The following JAK2 variants were observed in gnomAD, a reference collection of about 807,000 sequenced individuals.
The protein encoded by JAK2 is Janus kinase 2, also known as tyrosine-protein kinase JAK2.
A neutral mutation model predicts 139.3 loss-of-function variants in JAK2; 86 were observed. That is an observed-to-expected ratio of 0.62 (90% confidence interval 0.52 to 0.74). The LOEUF (loss-of-function observed/expected upper bound fraction) is 0.74. JAK2 is among the 30% of genes least tolerant of loss of function. The probability of loss-of-function intolerance (pLI) is 0.00; values close to 1 mark genes in which losing one functional copy is unlikely to be tolerated. For synonymous variants in JAK2, 490 were observed against 437.7 expected, an observed-to-expected ratio of 1.12 and a Z score of -1.49; for missense variants, 1,421 against 1,360.3, an observed-to-expected ratio of 1.04 and a Z score of -0.70.
chr9:5,075,114 G>A (rs562616324), intron 14 of JAK2, among the ~76,000 whole-genome samples: 19 of 152,032 alleles, frequency 1.2e-4, no homozygotes, highest in Non-Finnish European at 2.1e-4. Flanking sequence ...AGAGAGGTGA[G>A]GAAGCTGCAG....
intron 4 of JAK2, 67 bp from the exon 5 acceptor site, chr9:5,044,336 A>G: frequency 2.2e-6 from 2 of 922,500 alleles, no homozygotes; most frequent in Admixed American, 1.8e-5. Context: ...GTAGGTGACT[A>G]TATATAGATA....
intron 2 of JAK2, among the ~76,000 whole-genome samples, chr9:4,998,445 C>CGG (rs904139158): frequency 1.2e-4 from 19 of 152,134 alleles, no homozygotes; most frequent in Admixed American, 1.1e-3. Context: ...TTAGTAGAGA[C>CGG]GGGGTTTCAC....
At position 5,084,083 on chromosome 9, in the gene JAK2, A is replaced by G. The variant is rs7873790; in HGVS notation, c.2571+2222A>G. On this transcript the variant is annotated intron_variant, in intron 19 of 24. Transcript: ENST00000381652. ...CTTTTTAACATTTTTAGTGTTTTCC[A>G]TAGTTCCGTGAGCTTAAAATTCTTT... is the stretch of plus-strand genomic sequence containing the variant. Among the ~76,000 whole-genome samples the G allele has an allele frequency of 6.6e-3, 1,003 of 152,236 alleles. 13 individuals are homozygous for G. Among genetic ancestry groups the G allele is most frequent in the African/African-American group, 0.023 (971 of 41,572 alleles).
chr9:5,050,134 A>G (rs1817310948), intron 5 of JAK2, among the ~76,000 whole-genome samples: 1 of 152,238 alleles, frequency 6.6e-6, no homozygotes, highest in Admixed American at 6.5e-5. Context: ...ATTTTTATGT[A>G]GAAGATATAA....
intron 2 of JAK2, among the ~76,000 whole-genome samples, chr9:5,013,799 G>A (rs1041389881): frequency 2.6e-5 from 4 of 152,042 alleles, no homozygotes; most frequent in African/African-American, 9.7e-5. Flanking sequence ...TTTGTACTTA[G>A]ATGATGTGTA....
intron 14 of JAK2, among the ~76,000 whole-genome samples, chr9:5,076,280 T>C (rs1819301624): frequency 6.6e-6 from 1 of 152,160 alleles, no homozygotes; most frequent in South Asian, 2.1e-4. Context: ...AGTTCTACTG[T>C]GGGTAGAAGG....
intron 3 of JAK2, among the ~76,000 whole-genome samples, chr9:5,024,731 A>G (rs1023130201): frequency 2.6e-5 from 4 of 152,222 alleles, no homozygotes; most frequent in African/African-American, 7.2e-5. Context: ...TTTTCAATGA[A>G]TATCTTCTGT....
At chr9:4,988,571 T>A (rs1820090344) in intron 2 of JAK2, among the ~76,000 whole-genome samples, 1 of 152,242 alleles carries the variant, frequency 6.6e-6, no homozygotes, top group South Asian at 2.1e-4. Context: ...CTGCCTTAGC[T>A]TTTAGTTTGC....
intron 6 of JAK2, 103 bp downstream of exon 6, chr9:5,050,934 T>A (rs1416004610): frequency 1.1e-6 from 1 of 938,724 alleles, no homozygotes; most frequent in Non-Finnish European, 1.6e-6. Context: ...TTTGTAATAC[T>A]AGTTAAGTAC....
chr9:5,098,505 AC>A (rs1821201564), intron 22 of JAK2: 2 of 152,160 alleles, frequency 1.3e-5, no homozygotes, highest in African/African-American at 4.8e-5. Context: ...TATTAGCACC[AC>A]AGATGCCCAA....
At position 5,060,649 on chromosome 9, in the gene JAK2, T is replaced by G. The variant is rs550304034; in HGVS notation, c.1057-4234T>G. Among the ~76,000 whole-genome samples, 110 of 152,358 alleles carry G rather than the reference T, an allele frequency of 7.2e-4. 1 individual carries two copies. Among genetic ancestry groups the G allele is most frequent in the African/African-American group, 2.5e-3 (106 of 41,592 alleles). On this transcript the variant is annotated intron_variant, in intron 8 of 24. Transcript: ENST00000381652. ...TCTTGCTATTTCTACCACATCCTAG[T>G]GACTTCCTCCATTGAAGTCGTGAAC...
intron 19 of JAK2, among the ~76,000 whole-genome samples, chr9:5,089,123 T>C (rs1820357279): frequency 6.6e-6 from 1 of 152,258 alleles, no homozygotes; most frequent in Non-Finnish European, 1.5e-5. Context: ...AAATGCTTTT[T>C]TGAAGTAATT....
In JAK2 at chr9:5,128,772, A is replaced by AAAT. The variant is rs1209175656; in HGVS notation, c.*1984_*1986dup. Among the ~76,000 whole-genome samples the AAAT allele has an allele frequency of 6.6e-6, 1 of 151,954 alleles. No individual in the cohort carries two copies. The highest frequency in any genetic ancestry group is 1.9e-4 in the East Asian group (1 of 5,194). Reference sequence around the variant, plus strand: ...CCATTTTGATTCTGACTACACATAAAAATAAGATAACCCTGTAGTTATTAA... The same window carrying AAAT: ...CCATTTTGATTCTGACTACACATAAAAATAATAAGATAACCCTGTAGTTATTAA... On this transcript the variant is annotated 3_prime_UTR_variant, in exon 25 of 25. Coordinates refer to ENST00000381652, the MANE Select transcript of JAK2 (RefSeq NM_004972.4).
chr9:5,032,210 C>T (rs200635652), intron 4 of JAK2, among the ~76,000 whole-genome samples: 2 of 152,178 alleles, frequency 1.3e-5, no homozygotes, highest in African/African-American at 2.4e-5. Context: ...GAGGGGCGCC[C>T]GCCATTGCCG....
At position 5,127,114 on chromosome 9, in the gene JAK2, T is replaced by C. The variant is rs1824049279; in HGVS notation, c.*323T>C. The C allele has an allele frequency of 3.7e-6, 1 of 268,324 alleles. No individual in the cohort carries two copies. Among genetic ancestry groups the C allele is most frequent in the Non-Finnish European group, 7.1e-6 (1 of 140,358 alleles). 16.6% of individuals were successfully genotyped at this position (268,324 alleles called of 1,614,324 possible). On this transcript the variant is annotated 3_prime_UTR_variant, in exon 25 of 25. Transcript: ENST00000381652. ...AGCTTTTTGAGACCTGAAAAAATTA[T>C]TATGTAAATTTTGCAATGTTAAAGA...
intron 22 of JAK2, among the ~76,000 whole-genome samples, chr9:5,119,940 T>C (rs1487842571): frequency 6.6e-6 from 1 of 152,156 alleles, no homozygotes; most frequent in African/African-American, 2.4e-5. Context: ...AGAATATGAA[T>C]TGATAAAATA....
intron 22 of JAK2, chr9:5,111,298 T>G: frequency 2.1e-6 from 1 of 473,434 alleles, no homozygotes; most frequent in Non-Finnish European, 4.1e-6. Context: ...CCGGGCAAGC[T>G]GGCCCTCAGC....
At chr9:5,061,045 T>C (rs1158226559) in intron 8 of JAK2, among the ~76,000 whole-genome samples, 2 of 152,238 alleles carry the variant, frequency 1.3e-5, no homozygotes, top group South Asian at 4.1e-4. Flanking sequence ...CAATCTTTTT[T>C]TCTGAGCAGA....
chr9:4,986,156 C>T (rs1276547750), intron 2 of JAK2, 134 bp downstream of exon 2: 2 of 152,320 alleles, frequency 1.3e-5, no homozygotes, highest in Non-Finnish European at 2.9e-5. Context: ...AATGTCAGTG[C>T]TAAACTTTTA....
Sources: allele counts gnomAD v4.1 joint callset (sites outside exome capture counted in the v4.1 genomes callset), GRCh38; gene constraint gnomAD v4.1.1; transcripts MANE v1.5; gene names NCBI Gene and HGNC (gene_info 2026-07-23, HGNC 2026-07-21).